ZHX2: variants seen among roughly 807,000 people sequenced by gnomAD.
ZHX2 encodes zinc fingers and homeoboxes 2.
A neutral mutation model predicts 21.9 loss-of-function variants in ZHX2; 6 were observed. That is an observed-to-expected ratio of 0.27 (90% CI 0.15 to 0.54). The LOEUF is 0.54. ZHX2 is among the 20% of genes least tolerant of loss of function. ZHX2 has a pLI of 0.95. For missense variants in ZHX2, 908 were observed against 1,090.7 expected, an observed-to-expected ratio of 0.83 and a Z score of 2.36; for synonymous variants, 434 against 437.1, an observed-to-expected ratio of 0.99 and a Z score of 0.09.
At chr8:122,815,346 G>T (rs1374467786) in intron 1 of ZHX2, 1 of 152,164 alleles carries the variant, frequency 6.6e-6, no homozygotes, top group Non-Finnish European at 1.5e-5. Context: ...TAAGAATAAT[G>T]AATATAAAAT....
intron 2 of ZHX2, among the ~76,000 whole-genome samples, chr8:122,905,048 A>G (rs1820313843): frequency 2.0e-5 from 3 of 152,242 alleles, no homozygotes; most frequent in African/African-American, 7.2e-5. Context: ...GCCAGAGGAA[A>G]GAATCAGTGA....
chr8:122,880,883 A>G (rs1300148480), intron 2 of ZHX2, among the ~76,000 whole-genome samples: 3 of 152,104 alleles, frequency 2.0e-5, no homozygotes, highest in African/African-American at 7.2e-5. Context: ...GCTAAAACAG[A>G]TGCTGCCCAA....
intron 1 of ZHX2, among the ~76,000 whole-genome samples, chr8:122,836,592 C>A (rs1421712368): frequency 1.3e-5 from 2 of 152,154 alleles, no homozygotes; most frequent in Admixed American, 1.3e-4. Flanking sequence ...GGCATCAGCA[C>A]CAAGTGAGGA....
chr8:122,945,362 A>C (rs1812943651), intron 2 of ZHX2, among the ~76,000 whole-genome samples: 1 of 148,596 alleles, frequency 6.7e-6, no homozygotes, highest in South Asian at 2.1e-4. Flanking sequence ...AGCCTTGCAC[A>C]GACACCAGAA....
chr8:122,871,262 G>A (rs958149264), intron 2 of ZHX2, among the ~76,000 whole-genome samples: 19 of 151,922 alleles, frequency 1.3e-4, no homozygotes, highest in African/African-American at 3.9e-4. Context: ...ACTATGTCTG[G>A]TACTTGGAAC....
At chr8:122,884,771 A>C (rs548444584) in intron 2 of ZHX2, among the ~76,000 whole-genome samples, 1 of 152,342 alleles carries the variant, frequency 6.6e-6, no homozygotes, top group South Asian at 2.1e-4. Flanking sequence ...AGCCCGGTCC[A>C]GACCTGCCCT....
rs757743703 is a variant in ZHX2, at chr8:122,953,019, C to T, written c.1509C>T (p.Ser503=). ...AAAGGGGCATCGTCCACATCACCAG[C>T]GAATCCCTTGCCAAAGACCAGTTGG... The part of the protein sequence containing the change: ...RCQRGIVHIT[S]ESLAKDQLAI... Residue 503 remains serine, a synonymous_variant, in exon 3 of 4, where the codon AGC becomes AGT. Coordinates refer to ENST00000314393, the MANE Select transcript of ZHX2 (RefSeq NM_014943.5). This position sits in a 1 kb window ranked among gnomAD's most constrained non-coding sequence, Gnocchi z 4.6. 1.9e-5 allele frequency: 31 copies of T among 1,613,868 alleles called. No homozygotes were observed. In the Admixed American group the frequency reaches 2.8e-4, roughly 15 times the overall value.
chr8:122,852,217 T>C (rs1001110717), intron 1 of ZHX2, among the ~76,000 whole-genome samples: 9 of 152,206 alleles, frequency 5.9e-5, no homozygotes, highest in African/African-American at 2.2e-4. Flanking sequence ...AAACATGGCA[T>C]ACTGATTAGA....
At chr8:122,908,347 G>T (rs906293514) in intron 2 of ZHX2, among the ~76,000 whole-genome samples, 2 of 152,198 alleles carry the variant, frequency 1.3e-5, no homozygotes, top group Non-Finnish European at 2.9e-5. Context: ...TTACAGGCGT[G>T]TGCCACCATG....
rs182309810 is a variant in ZHX2, at chr8:122,948,608, A to G, written c.-219-2684A>G. ...CTAAACATACAAAAGTTCTTTTAGA[A>G]GCAAGGCATAAGTGCAGTACTCAAC... is the stretch of plus-strand genomic sequence containing the variant. On this transcript the variant is annotated intron_variant, in intron 2 of 3. Transcript: ENST00000314393. 3.7e-3 allele frequency among the ~76,000 whole-genome samples: 561 copies of G among 152,378 alleles called. 3 individuals carry two copies. Among genetic ancestry groups the G allele is most frequent in the Non-Finnish European group, 6.3e-3 (432 of 68,038 alleles).
intron 2 of ZHX2, among the ~76,000 whole-genome samples, chr8:122,921,334 T>A (rs759393978): frequency 5.3e-5 from 8 of 152,146 alleles, no homozygotes; most frequent in Non-Finnish European, 8.8e-5. Context: ...CCCACCCACC[T>A]CGGCCTCCCA....
At chr8:122,817,461 T>C (rs1433236065) in intron 1 of ZHX2, among the ~76,000 whole-genome samples, 5 of 152,110 alleles carry the variant, frequency 3.3e-5, no homozygotes, top group Admixed American at 3.3e-4. Context: ...GATGTTATGC[T>C]CTCTGTATTG....
At chr8:122,797,655 C>T (rs548732114) in intron 1 of ZHX2, among the ~76,000 whole-genome samples, 1 of 152,284 alleles carries the variant, frequency 6.6e-6, no homozygotes, top group African/African-American at 2.4e-5. Flanking sequence ...GGACCACGCT[C>T]AATTGTCCCT....
chr8:122,918,629 A>G (rs1820661892), intron 2 of ZHX2, among the ~76,000 whole-genome samples: 1 of 152,140 alleles, frequency 6.6e-6, no homozygotes, highest in South Asian at 2.1e-4. Flanking sequence ...GAAAGCATTC[A>G]TGGGCATGGC....
At chr8:122,800,724 A>C (rs1311174451) in intron 1 of ZHX2, among the ~76,000 whole-genome samples, 1 of 152,222 alleles carries the variant, frequency 6.6e-6, no homozygotes, top group Non-Finnish European at 1.5e-5. Flanking sequence ...AGCTGTGGTC[A>C]CTGAAAAGCC....
At chr8:122,847,168 C>T (rs1440081049) in intron 1 of ZHX2, among the ~76,000 whole-genome samples, 7 of 152,206 alleles carry the variant, frequency 4.6e-5, no homozygotes, top group South Asian at 2.1e-4. Context: ...AAGGGACTTA[C>T]ATTTGCACAG....
intron 1 of ZHX2, among the ~76,000 whole-genome samples, chr8:122,839,349 T>C (rs73331795): frequency 0.015 from 2,321 of 152,304 alleles, 68 homozygotes; most frequent in African/African-American, 0.052. Flanking sequence ...TCCACTTGTT[T>C]ATATTTTTAG....
intron 2 of ZHX2, among the ~76,000 whole-genome samples, chr8:122,923,655 G>A (rs935996696): frequency 1.3e-5 from 2 of 152,186 alleles, no homozygotes; most frequent in African/African-American, 4.8e-5. Flanking sequence ...CCTGCCTGCT[G>A]GTCCTGGAAG....
intron 2 of ZHX2, among the ~76,000 whole-genome samples, chr8:122,886,440 A>C (rs1299293933): frequency 2.0e-5 from 3 of 152,208 alleles, no homozygotes; most frequent in Non-Finnish European, 4.4e-5. Context: ...ACTGGACAGC[A>C]CAGGGGTGAA....
Sources: allele counts gnomAD v4.1 joint callset (sites outside exome capture counted in the v4.1 genomes callset), GRCh38; gene constraint gnomAD v4.1.1; non-coding constraint Gnocchi (gnomAD v3.1); transcripts MANE v1.5; gene names NCBI Gene and HGNC (gene_info 2026-07-23, HGNC 2026-07-21).